The following CLEC2D variants were observed in gnomAD, a reference collection of about 807,000 sequenced individuals.
CLEC2D encodes C-type lectin domain family 2 member D.
Under a neutral mutation model 20.0 loss-of-function variants are expected in CLEC2D, and 16 were observed. The ratio of observed to expected loss-of-function variants is 0.80; its 90% CI spans 0.54 to 1.22. The LOEUF (loss-of-function observed/expected upper bound fraction) is 1.22, where lower values mean the gene tolerates loss of function less well. Among genes scored for constraint, CLEC2D ranks in the 50% most tolerant of loss-of-function variants. CLEC2D has a pLI of 0.00. For synonymous variants in CLEC2D, 77 were observed against 71.1 expected (o/e 1.08, Z -0.42); for missense variants, 207 against 221.5 (o/e 0.93, Z 0.42).
chr12:9,684,243 T>C (rs750483101), intron 2 of CLEC2D, among the ~76,000 whole-genome samples: 4 of 152,364 alleles, frequency 2.6e-5, no homozygotes, highest in East Asian at 3.9e-4. Flanking sequence ...GAGAATTTGC[T>C]GAAGTTGCTT....
intron 1 of CLEC2D, chr12:9,674,043 T>C (rs1326664634): frequency 1.3e-5 from 2 of 152,430 alleles, no homozygotes; most frequent in African/African-American, 2.4e-5. Flanking sequence ...AACCTACTGA[T>C]TGAGACTGCT....
Position 9,695,396 on chromosome 12 carries a change from A to G in CLEC2D, c.*522A>G, listed in dbSNP as rs1048685696. On this transcript the variant is annotated 3_prime_UTR_variant, in exon 5 of 5. Transcript: ENST00000290855. Reference sequence around the variant, plus strand: ...GTGTCGCCACCCGATGGAAGATTCGATGGACATGGACATGAGCCCCCTGAG... The same window carrying G: ...GTGTCGCCACCCGATGGAAGATTCGGTGGACATGGACATGAGCCCCCTGAG... 3.5e-5 allele frequency: 51 copies of G among 1,475,028 alleles called. No homozygotes were observed. Among genetic ancestry groups the G allele is most frequent in the Non-Finnish European group, 4.3e-5 (46 of 1,070,624 alleles). The allele number at this position is 1,475,028 out of a possible 1,614,324, so 91.4% of individuals were successfully genotyped here. A position where few individuals can be genotyped will look rare whatever the true frequency, so the allele number is the denominator to read the frequency against.
intron 1 of CLEC2D, chr12:9,680,202 C>A: frequency 3.0e-6 from 1 of 329,710 alleles, no homozygotes; most frequent in Non-Finnish European, 6.4e-6. Flanking sequence ...ACTTCTGTCT[C>A]CTGCTGCCAT....
In CLEC2D at chr12:9,699,395, T is replaced by A. The variant is rs930903536; in HGVS notation, c.*4521T>A. ...CAGGAAATTTCTTTTTTCCTTAAGC[T>A]TAATTGAAATGTTTACTTTTCAGTA... On this transcript the variant is annotated 3_prime_UTR_variant, in exon 5 of 5. Transcript: ENST00000290855. 6.6e-6 allele frequency: 1 copy of A among 152,244 alleles called. No homozygotes were observed. Among genetic ancestry groups the A allele is most frequent in the African/African-American group, 2.4e-5 (1 of 41,476 alleles). 9.4% of individuals were successfully genotyped at this position (152,244 alleles called of 1,614,324 possible).
intron 1 of CLEC2D, among the ~76,000 whole-genome samples, chr12:9,674,406 C>T (rs1425143521): frequency 2.0e-5 from 3 of 152,232 alleles, no homozygotes; most frequent in African/African-American, 7.2e-5. Flanking sequence ...CACCTGCTTT[C>T]TTCCTGCTTC....
At chr12:9,687,861 G>T (rs1047088236) in intron 2 of CLEC2D, 41 bp from the exon 3 acceptor site, 3 of 1,268,672 alleles carry the variant, frequency 2.4e-6, no homozygotes, top group Non-Finnish European at 3.2e-6. Flanking sequence ...CAATATAAAA[G>T]TAAGAAATTT....
Position 9,669,724 on chromosome 12 carries a change from C to G in CLEC2D, c.-11C>G, listed in dbSNP as rs755776243. ...CTGTGGTTTAGATCACTCATAGAAA[C>G]TGGAGGCAAAATGCATGACAGTAAC... is the stretch of plus-strand genomic sequence containing the variant. On this transcript the variant is annotated 5_prime_UTR_variant, in exon 1 of 5. Transcript: ENST00000290855. 5.6e-6 allele frequency: 9 copies of G among 1,610,022 alleles called. No homozygotes were observed. Among genetic ancestry groups the G allele is most frequent in the Non-Finnish European group, 7.6e-6 (9 of 1,176,518 alleles).
At chr12:9,676,893 T>A (rs187468716) in intron 1 of CLEC2D, among the ~76,000 whole-genome samples, 3 of 152,194 alleles carry the variant, frequency 2.0e-5, no homozygotes, top group Non-Finnish European at 2.9e-5. Flanking sequence ...ACAAATTATG[T>A]CTCTCAAGTG....
At chr12:9,671,040 T>C (rs2120879966) in intron 1 of CLEC2D, among the ~76,000 whole-genome samples, 1 of 152,312 alleles carries the variant, frequency 6.6e-6, no homozygotes, top group Non-Finnish European at 1.5e-5. Flanking sequence ...GGCTTCTCCT[T>C]TCCATCCTCC....
rs1189102912 is a variant in CLEC2D at position 9,677,282 on chromosome 12, C to T, written c.62-3641C>T. On this transcript the variant is annotated intron_variant, in intron 1 of 4. Coordinates refer to ENST00000290855, the MANE Select transcript of CLEC2D (RefSeq NM_013269.6). ...TTCTCTTTAAACAATGCTTTTACTGCATCCCACAAATTTTGTTAAGCTGTA... is the reference window on the plus strand; with the variant it reads ...TTCTCTTTAAACAATGCTTTTACTGTATCCCACAAATTTTGTTAAGCTGTA... Among the ~76,000 whole-genome samples, 6 of 152,074 alleles carry T rather than the reference C, an allele frequency of 3.9e-5. No individual in the cohort carries two copies. In the East Asian group the frequency reaches 1.2e-3, roughly 29 times the overall value.
intron 1 of CLEC2D, among the ~76,000 whole-genome samples, chr12:9,674,558 A>G (rs1350495731): frequency 6.6e-6 from 1 of 152,198 alleles, no homozygotes; most frequent in Non-Finnish European, 1.5e-5. Context: ...CCTCCCTTCA[A>G]GTATGTTTTC....
chr12:9,691,399 C>T (rs1267130810), intron 3 of CLEC2D, among the ~76,000 whole-genome samples: 1 of 152,088 alleles, frequency 6.6e-6, no homozygotes, highest in Non-Finnish European at 1.5e-5. Context: ...TTGAACAACA[C>T]TATAAACCAA....
chr12:9,692,737 G>T, intron 3 of CLEC2D, 91 bp from the exon 4 acceptor site: 1 of 752,530 alleles, frequency 1.3e-6, no homozygotes, highest in South Asian at 2.0e-5. Context: ...AGAAAATTAT[G>T]AGTAGTTAAG....
chr12:9,677,171 C>G (rs1036814263), intron 1 of CLEC2D, among the ~76,000 whole-genome samples: 4 of 151,766 alleles, frequency 2.6e-5, no homozygotes, highest in Non-Finnish European at 5.9e-5. Flanking sequence ...ATTTGCTCTT[C>G]TATTTCTAGT....
chr12:9,674,256 GA>G (rs1865479024), intron 1 of CLEC2D: 1 of 152,170 alleles, frequency 6.6e-6, no homozygotes, highest in Non-Finnish European at 1.5e-5. Flanking sequence ...GCTCATGAGG[GA>G]ATCTTCTGAT....
chr12:9,673,110 A>G (rs1204067016), intron 1 of CLEC2D, among the ~76,000 whole-genome samples: 3 of 152,176 alleles, frequency 2.0e-5, no homozygotes, highest in African/African-American at 7.2e-5. Context: ...CCCTCACAGG[A>G]GAACTGTTGC....
At chr12:9,673,547 G>A (rs143936228) in intron 1 of CLEC2D, among the ~76,000 whole-genome samples, 2 of 152,372 alleles carry the variant, frequency 1.3e-5, no homozygotes, top group East Asian at 1.9e-4. Flanking sequence ...TCAAGGACCC[G>A]CTTATGTAGA....
chr12:9,677,879 C>T (rs1324111122), intron 1 of CLEC2D, among the ~76,000 whole-genome samples: 1 of 152,028 alleles, frequency 6.6e-6, no homozygotes, highest in African/African-American at 2.4e-5. Context: ...CAAATACCAC[C>T]ACACTTGGCT....
At chr12:9,684,061 T>C (rs1591696543) in intron 2 of CLEC2D, among the ~76,000 whole-genome samples, 1 of 152,202 alleles carries the variant, frequency 6.6e-6, no homozygotes, top group East Asian at 1.9e-4. Context: ...TGAGCAGTGA[T>C]TTGTAGTTCT....
Sources: allele counts gnomAD v4.1 joint callset (sites outside exome capture counted in the v4.1 genomes callset), GRCh38; gene constraint gnomAD v4.1.1; transcripts MANE v1.5; gene names NCBI Gene and HGNC (gene_info 2026-07-23, HGNC 2026-07-21).